The following MEGF11 variants were observed in gnomAD, a reference collection of about 807,000 sequenced individuals.
MEGF11 encodes the protein multiple epidermal growth factor-like domains protein 11.
In MEGF11, 126 loss-of-function variants were observed where a neutral mutation model predicts 146.6. That is an observed-to-expected ratio of 0.86 (90% CI 0.74 to 1.00). The LOEUF (loss-of-function observed/expected upper bound fraction) is 1.00. Ranked by LOEUF, MEGF11 falls within the 50% of genes least tolerant of loss-of-function variation. The pLI is 0.00. For synonymous variants in MEGF11, 532 were observed against 583.4 expected, an observed-to-expected ratio of 0.91 and a Z score of 1.27; for missense variants, 1,509 against 1,521.2, an observed-to-expected ratio of 0.99 and a Z score of 0.13.
intron 5 of MEGF11, among the ~76,000 whole-genome samples, chr15:66,044,804 G>T (rs1234730119): frequency 2.3e-5 from 3 of 133,184 alleles, no homozygotes; most frequent in African/African-American, 8.9e-5. Flanking sequence ...AGTGAGCTAT[G>T]ATCACATCAC....
At chr15:65,990,557 G>A (rs939085505) in intron 5 of MEGF11, among the ~76,000 whole-genome samples, 6 of 134,166 alleles carry the variant, frequency 4.5e-5, no homozygotes, top group Non-Finnish European at 8.0e-5. Flanking sequence ...CCAAAAGCAA[G>A]CAAACAAGCA....
rs116691555 is a variant in MEGF11, at chr15:66,173,378, C to T, written c.-8-44967G>A. The stretch of plus-strand genomic sequence containing the variant: ...TGGCCCAGGCTGGAGTACAGTGGTG[C>T]GACCTTGGCTCGCTGCAACTTCCTC... On this transcript the variant is annotated intron_variant, in intron 1 of 25. Coordinates refer to ENST00000395614, the MANE Select transcript of MEGF11 (RefSeq NM_001385028.1). Among the ~76,000 whole-genome samples, 1,361 of 152,132 alleles carry T rather than the reference C, an allele frequency of 8.9e-3. 23 individuals carry two copies. The highest frequency in any genetic ancestry group is 0.03 in the African/African-American group (1,257 of 41,486).
At chr15:65,932,357 A>C (rs1028706384) in intron 10 of MEGF11, among the ~76,000 whole-genome samples, 21 of 152,178 alleles carry the variant, frequency 1.4e-4, no homozygotes, top group African/African-American at 4.1e-4. Context: ...AATTTCTGGC[A>C]GCTGGGGAAG....
chr15:66,182,278 G>A (rs893752697), intron 1 of MEGF11, among the ~76,000 whole-genome samples: 2 of 152,118 alleles, frequency 1.3e-5, no homozygotes, highest in Non-Finnish European at 2.9e-5. Context: ...AACTTTTCCT[G>A]CCACTTGTAG....
intron 7 of MEGF11, among the ~76,000 whole-genome samples, chr15:65,971,782 A>G (rs1213315726): frequency 6.6e-6 from 1 of 152,204 alleles, no homozygotes; most frequent in Non-Finnish European, 1.5e-5. Flanking sequence ...GCCAAGGATC[A>G]CCAGATATTT....
intron 4 of MEGF11, among the ~76,000 whole-genome samples, chr15:66,109,334 T>C (rs1054689743): frequency 6.6e-6 from 1 of 152,070 alleles, no homozygotes; most frequent in Non-Finnish European, 1.5e-5. Flanking sequence ...CCTCATGAGA[T>C]TGTCCGGGCA....
At chr15:66,102,791 C>A (rs1346256467) in intron 4 of MEGF11, among the ~76,000 whole-genome samples, 1 of 152,204 alleles carries the variant, frequency 6.6e-6, no homozygotes, top group Non-Finnish European at 1.5e-5. Flanking sequence ...CACCTCCCAA[C>A]TCTATGCTTA....
intron 16 of MEGF11, 82 bp from the exon 17 acceptor site, chr15:65,917,038 C>A (rs2079024275): frequency 1.5e-6 from 2 of 1,373,066 alleles, no homozygotes; most frequent in East Asian, 5.6e-5. Context: ...GAGTACATGT[C>A]AGAGCCAAGA....
At chr15:66,105,549 C>T (rs564264125) in intron 4 of MEGF11, among the ~76,000 whole-genome samples, 116 of 152,292 alleles carry the variant, frequency 7.6e-4, no homozygotes, top group Non-Finnish European at 1.5e-3. Flanking sequence ...TATGTGCTGG[C>T]GGGGCAGGGC....
At chr15:66,236,400 T>C (rs1318344356) in intron 1 of MEGF11, among the ~76,000 whole-genome samples, 1 of 152,162 alleles carries the variant, frequency 6.6e-6, no homozygotes, top group African/African-American at 2.4e-5. Flanking sequence ...AAGATCCTTC[T>C]GCCTGCCACA....
At chr15:65,996,813 C>T (rs1483807446) in intron 5 of MEGF11, among the ~76,000 whole-genome samples, 1 of 152,190 alleles carries the variant, frequency 6.6e-6, no homozygotes, top group East Asian at 1.9e-4. Context: ...CACCTCTATG[C>T]TGACCAGAGC....
At chr15:66,250,156 T>G (rs970001073) in intron 1 of MEGF11, among the ~76,000 whole-genome samples, 3 of 152,174 alleles carry the variant, frequency 2.0e-5, no homozygotes, top group Admixed American at 6.5e-5. Flanking sequence ...CCAGCTCCCT[T>G]CCTGGCAGAA....
At chr15:66,165,761 A>C (rs1359346391) in intron 1 of MEGF11, among the ~76,000 whole-genome samples, 2 of 152,134 alleles carry the variant, frequency 1.3e-5, no homozygotes, top group Non-Finnish European at 2.9e-5. Flanking sequence ...AGAGGCCCCC[A>C]TGACAAGAAA....
intron 5 of MEGF11, among the ~76,000 whole-genome samples, chr15:66,073,533 C>T (rs764246995): frequency 1.3e-5 from 2 of 152,228 alleles, no homozygotes; most frequent in African/African-American, 2.4e-5. Context: ...GCTGCTTCAT[C>T]GTCTCTTCTT....
chr15:66,219,123 T>C (rs946859480), intron 1 of MEGF11, among the ~76,000 whole-genome samples: 1 of 152,258 alleles, frequency 6.6e-6, no homozygotes, highest in Non-Finnish European at 1.5e-5. Flanking sequence ...TAAAACCTTC[T>C]AGAAGAAAAC....
At chr15:66,039,412 C>A (rs1017001662) in intron 5 of MEGF11, among the ~76,000 whole-genome samples, 1 of 152,152 alleles carries the variant, frequency 6.6e-6, no homozygotes, top group African/African-American at 2.4e-5. Flanking sequence ...CTCCTGCCTA[C>A]GGGAAGAGGG....
chr15:66,111,317 CA>C (rs2087390344), intron 4 of MEGF11, among the ~76,000 whole-genome samples: 1 of 152,204 alleles, frequency 6.6e-6, no homozygotes, highest in Non-Finnish European at 1.5e-5. Flanking sequence ...ATAAAGCCCC[CA>C]TTCCACTTCT....
chr15:66,238,659 G>GAGAAA (rs2092146235), intron 1 of MEGF11, among the ~76,000 whole-genome samples: 1 of 152,168 alleles, frequency 6.6e-6, no homozygotes, highest in Non-Finnish European at 1.5e-5. Context: ...TCATAACCCT[G>GAGAAA]ACTGTACAGG....
At chr15:65,921,098 T>C (rs1260577327) in intron 15 of MEGF11, among the ~76,000 whole-genome samples, 1 of 152,212 alleles carries the variant, frequency 6.6e-6, no homozygotes, top group African/African-American at 2.4e-5. Context: ...TAGTAAACTT[T>C]CTATTCATAC....
Sources: allele counts gnomAD v4.1 joint callset (sites outside exome capture counted in the v4.1 genomes callset), GRCh38; gene constraint gnomAD v4.1.1; transcripts MANE v1.5; gene names NCBI Gene and HGNC (gene_info 2026-07-23, HGNC 2026-07-21).